Variants in SSBP4 observed in about 807,000 individuals in gnomAD.
SSBP4 encodes single stranded DNA binding protein 4, also known as single-stranded DNA-binding protein 4.
Under a neutral mutation model 64.6 loss-of-function variants are expected in SSBP4, and 33 were observed. The ratio of observed to expected loss-of-function variants is 0.51; its 90% CI spans 0.39 to 0.68. SSBP4 has a LOEUF of 0.68. SSBP4 is among the 30% of genes least tolerant of loss of function. SSBP4 has a pLI of 0.00. For synonymous variants in SSBP4, 243 were observed against 224.0 expected, an observed-to-expected ratio of 1.08 and a Z score of -0.76; for missense variants, 583 against 566.8, an observed-to-expected ratio of 1.03 and a Z score of -0.29.
chr19:18,434,548 T>C lies in SSBP4; in HGVS notation c.*302T>C. 1.9e-6 allele frequency: 1 copy of C among 518,652 alleles called. No individual in the cohort carries two copies. Among genetic ancestry groups the C allele is most frequent in the Non-Finnish European group, 3.3e-6 (1 of 300,004 alleles). 32.1% of individuals were successfully genotyped at this position (518,652 alleles called of 1,614,324 possible). On this transcript the variant is annotated 3_prime_UTR_variant, in exon 18 of 18. Transcript: ENST00000270061. ...GGGCCCATAAATAAATGGAAGCTGG[T>C]TTTGGTTTTTGGTAGCTTGTCTCAG...
intron 1 of SSBP4, among the ~76,000 whole-genome samples, chr19:18,422,665 T>C (rs1972542172): frequency 6.6e-6 from 1 of 152,204 alleles, no homozygotes; most frequent in South Asian, 2.1e-4. Flanking sequence ...ACGACCCATC[T>C]TTCAGGATCT....
At position 18,431,847 on chromosome 19, in the gene SSBP4, T is replaced by A; in HGVS notation, c.550T>A (p.Ser184Thr). 6.4e-7 allele frequency: 1 copy of A among 1,572,208 alleles called. No homozygotes were observed. Among genetic ancestry groups the A allele is most frequent in the Admixed American group, 1.8e-5 (1 of 54,790 alleles). The change falls in exon 8 of 18, where the codon TCC becomes ACC. Residue 184 changes from serine to threonine, a missense_variant. Coordinates refer to ENST00000270061, the MANE Select transcript of SSBP4 (RefSeq NM_032627.5). ...CCTCCTCCCTGGCGCCATGGAGCCC[T>A]CCCCACGAGCCCAGGGTGAGTAGGG... Reference protein sequence around the residue: ...QPLLPGAMEPSPRAQGHPSMG... With the variant: ...QPLLPGAMEPTPRAQGHPSMG...
chr19:18,410,957 C>T, the SSBP4 span, among the ~76,000 whole-genome samples: 2 of 152,160 alleles, frequency 1.3e-5, no homozygotes, highest in Non-Finnish European at 2.9e-5. Context: ...GTTATAAGCG[C>T]TAGGGACACA....
At chr19:18,408,525 C>T in the SSBP4 span, among the ~76,000 whole-genome samples, 9 of 151,772 alleles carry the variant, frequency 5.9e-5, no homozygotes, top group Admixed American at 2.6e-4. Context: ...CTGAGTACCG[C>T]TCTATCTCCC....
rs374495493 is a variant in SSBP4 at position 18,427,782 on chromosome 19, G to C, written c.163G>C (p.Glu55Gln). The C allele has an allele frequency of 6.2e-7, 1 of 1,604,812 alleles. No individual in the cohort carries two copies. The highest frequency in any genetic ancestry group is 8.5e-7 in the Non-Finnish European group (1 of 1,172,776). ...IRWEKNITLG[E>Q]PPGFLHSWWC... ...ATGGGAGAAGAACATCACGCTGGGG[G>C]AGCCCCCTGGGTTCCTGCACTCCTG... The change falls in exon 3 of 18, where the codon GAG becomes CAG. Residue 55 changes from glutamate to glutamine, a missense_variant. Glu to Gln is a conservative substitution (Grantham distance 29). Coordinates refer to ENST00000270061, the MANE Select transcript of SSBP4 (RefSeq NM_032627.5). The surrounding 1 kb of genome is among the most constrained non-coding windows in gnomAD (Gnocchi z 4.4).
upstream of SSBP4, chr19:18,419,112 T>A (rs1972243348): frequency 1.0e-6 from 1 of 985,624 alleles, no homozygotes; most frequent in African/African-American, 1.7e-5. Flanking sequence ...TGTGTGTGGC[T>A]GGGTGTACAA....
At chr19:18,432,091 G>A in intron 9 of SSBP4, 21 bp downstream of exon 9, 1 of 1,601,200 alleles carries the variant, frequency 6.2e-7, no homozygotes, top group Non-Finnish European at 8.5e-7. Context: ...AGCCCTGGTG[G>A]GTGGGGCCTT....
Position 18,432,572 on chromosome 19 carries a change from C to G in SSBP4, c.718C>G (p.Arg240Gly). Residue 240 changes from arginine (R) to glycine (G), a missense_variant, in exon 11 of 18, where the codon CGT becomes GGT. Arg to Gly is a moderately radical substitution (Grantham distance 125). Transcript: ENST00000270061. ...GGTCTCTTCCAGGGGCCCAGGAGTT[C>G]GTGGCCCGTGGGCCAGCCCCAGTGG... ...LPAMNMGPGV[R>G]GPWASPSGNS... 8.2e-6 allele frequency: 11 copies of G among 1,334,158 alleles called. No homozygotes were observed. Among genetic ancestry groups the G allele is most frequent in the Non-Finnish European group, 1.1e-5 (11 of 1,008,730 alleles). 82.6% of individuals were successfully genotyped at this position (1,334,158 alleles called of 1,614,324 possible).
the SSBP4 span, among the ~76,000 whole-genome samples, chr19:18,403,381 C>T: frequency 6.6e-6 from 1 of 152,162 alleles, no homozygotes; most frequent in East Asian, 1.9e-4. Context: ...TATACTCTGT[C>T]TCTGTGTCTT....
At chr19:18,408,347 C>T in the SSBP4 span, among the ~76,000 whole-genome samples, 16 of 152,278 alleles carry the variant, frequency 1.1e-4, no homozygotes, top group Admixed American at 3.3e-4. Flanking sequence ...GGACCCATTC[C>T]TGGTGGCCCA....
chr19:18,432,166 G>C lies in SSBP4; in HGVS notation c.656G>C (p.Arg219Pro), dbSNP rs775619628. ...CCGCAGAGCTATGGAGGTGGCATGC[G>C]ACCCCCACCCAACTCCCTCGCCGGC... The part of the protein sequence containing the change: ...VGPQSYGGGM[R>P]PPPNSLAGPG... The change falls in exon 10 of 18, where the codon CGA (arginine) becomes CCA (proline). Residue 219 changes from arginine to proline, a missense_variant. Arg to Pro is a moderately radical substitution (Grantham distance 103, BLOSUM62 -2). This residue lies in a region of SSBP4 where 444 missense variants were observed against 386.6 expected (regional missense o/e 1.15). Coordinates refer to ENST00000270061, the MANE Select transcript of SSBP4 (RefSeq NM_032627.5). The C allele has an allele frequency of 1.2e-6, 2 of 1,613,000 alleles. No individual in the cohort carries two copies. The highest frequency in any genetic ancestry group is 1.7e-5 in the Admixed American group (1 of 60,002).
intron 1 of SSBP4, among the ~76,000 whole-genome samples, chr19:18,421,350 G>A (rs1006356639): frequency 3.3e-5 from 5 of 152,226 alleles, no homozygotes; most frequent in African/African-American, 7.2e-5. Flanking sequence ...TGCTCAGGTC[G>A]GAAGCAGGAG....
chr19:18,433,339 G>A lies in SSBP4; in HGVS notation c.991+126G>A, dbSNP rs12972236. On this transcript the variant is annotated intron_variant, in intron 15 of 17. Transcript: ENST00000270061. ...TAGTGGCGTCCTGAGCCCCCCGGGG[G>A]CCGCTCAGTGACAGGGGCTGCCCCG... is the stretch of plus-strand genomic sequence containing the variant. 8,290 of 1,345,020 alleles carry A rather than the reference G, an allele frequency of 6.2e-3. 38 individuals are homozygous for A. Among genetic ancestry groups the A allele is most frequent in the Non-Finnish European group, 7.6e-3 (7,514 of 993,458 alleles). 83.3% of individuals were successfully genotyped at this position (1,345,020 alleles called of 1,614,324 possible). A position where few individuals can be genotyped will look rare whatever the true frequency, so the allele number is the denominator to read the frequency against.
intron 1 of SSBP4, chr19:18,420,160 G>C (rs1407362311): frequency 6.6e-6 from 1 of 152,148 alleles, no homozygotes; most frequent in African/African-American, 2.4e-5. Context: ...AAGAGTGTCG[G>C]CTCGGGGACC....
Position 18,431,414 on chromosome 19 carries a change from G to A in SSBP4, c.431G>A (p.Gly144Asp). 2 of 1,512,720 alleles carry A rather than the reference G, an allele frequency of 1.3e-6. No individual in the cohort carries two copies. The highest frequency in any genetic ancestry group is 1.8e-6 in the Non-Finnish European group (2 of 1,120,390). The allele number at this position is 1,512,720 out of a possible 1,614,324, so 93.7% of individuals were successfully genotyped here. A position where few individuals can be genotyped will look rare whatever the true frequency, so the allele number is the denominator to read the frequency against. The change falls in exon 6 of 18, where the codon GGT (glycine) becomes GAT (aspartate). Residue 144 changes from glycine (G) to aspartate (D), a missense_variant. By Grantham distance (94) the Gly-to-Asp change is moderately conservative. Around this residue, in one of 5 missense-constraint regions of SSBP4, gnomAD observed 444 missense variants for 386.6 expected, o/e 1.15. Coordinates refer to ENST00000270061, the MANE Select transcript of SSBP4 (RefSeq NM_032627.5). ...NPNAPMMGPH[G>D]QPFMSPRFPG... ...AACGCCCCCATGATGGGGCCTCACG[G>A]TCAGGTAAGGAGCTGTGGTGCCTGC... is the stretch of plus-strand genomic sequence containing the variant.
intron 4 of SSBP4, among the ~76,000 whole-genome samples, chr19:18,429,453 C>T (rs901205745): frequency 3.0e-5 from 4 of 131,332 alleles, no homozygotes; most frequent in African/African-American, 1.1e-4. Flanking sequence ...AGTTGGGAAG[C>T]TGCGGGTCGC....
intron 15 of SSBP4, 139 bp from the exon 16 acceptor site, chr19:18,433,446 A>C (rs1973659817): frequency 7.0e-7 from 1 of 1,437,340 alleles, no homozygotes; most frequent in Admixed American, 2.0e-5. Context: ...ACCTGGCCTC[A>C]GTCCCGGGGT....
the SSBP4 span, among the ~76,000 whole-genome samples, chr19:18,409,853 T>C: frequency 6.7e-6 from 1 of 150,090 alleles, no homozygotes; most frequent in African/African-American, 2.5e-5. Context: ...CTTTTTTGAG[T>C]CTGAGTCTCG....
At chr19:18,413,035 A>G in the SSBP4 span, among the ~76,000 whole-genome samples, 1 of 152,002 alleles carries the variant, frequency 6.6e-6, no homozygotes, top group Non-Finnish European at 1.5e-5. Flanking sequence ...CAGACATGAC[A>G]CATGTGGATG....
Sources: allele counts gnomAD v4.1 joint callset (sites outside exome capture counted in the v4.1 genomes callset), GRCh38; gene constraint gnomAD v4.1.1; regional missense constraint gnomAD v4.1.1; non-coding constraint Gnocchi (gnomAD v3.1); transcripts MANE v1.5; gene names NCBI Gene and HGNC (gene_info 2026-07-23, HGNC 2026-07-21).